The following TTC28 variants were observed in gnomAD, a reference collection of about 807,000 sequenced individuals.
TTC28 encodes tetratricopeptide repeat protein 28.
In TTC28, 61 loss-of-function variants were observed where a neutral mutation model predicts 198.0. That is an observed-to-expected ratio of 0.31 (90% confidence interval 0.25 to 0.38). The LOEUF (loss-of-function observed/expected upper bound fraction) is 0.38. TTC28 is among the 10% of genes least tolerant of loss of function. The probability of loss-of-function intolerance (pLI) is 1.00; values close to 1 mark genes in which losing one functional copy is unlikely to be tolerated. For missense variants in TTC28, 2,678 were observed against 3,164.0 expected, an observed-to-expected ratio of 0.85 and a Z score of 3.69; for synonymous variants, 1,171 against 1,297.8, an observed-to-expected ratio of 0.90 and a Z score of 2.10.
intron 2 of TTC28, among the ~76,000 whole-genome samples, chr22:28,342,670 A>T (rs1397281612): frequency 6.6e-6 from 1 of 152,204 alleles, no homozygotes; most frequent in Non-Finnish European, 1.5e-5. Flanking sequence ...TATATGAAAA[A>T]TCATGTGTTA....
intron 2 of TTC28, among the ~76,000 whole-genome samples, chr22:28,472,889 AAGATTTAATATC>A (rs1157588172): frequency 6.6e-6 from 1 of 152,154 alleles, no homozygotes; most frequent in Non-Finnish European, 1.5e-5. Flanking sequence ...CTTCTAACAA[AAGATTTAATATC>A]AGATTTAATA....
At chr22:28,615,653 G>A (rs1291167821) in intron 2 of TTC28, among the ~76,000 whole-genome samples, 1 of 152,070 alleles carries the variant, frequency 6.6e-6, no homozygotes, top group African/African-American at 2.4e-5. Context: ...CAGGGACATG[G>A]ATGAAGCTGG....
chr22:28,235,253 C>T (rs1449970157), intron 5 of TTC28, among the ~76,000 whole-genome samples: 2 of 152,082 alleles, frequency 1.3e-5, no homozygotes, highest in Non-Finnish European at 2.9e-5. Context: ...GATGAAGAGA[C>T]CAGAGAAGAA....
At chr22:28,412,441 TCC>T (rs2047096426) in intron 2 of TTC28, among the ~76,000 whole-genome samples, 1 of 152,150 alleles carries the variant, frequency 6.6e-6, no homozygotes, top group East Asian at 1.9e-4. Context: ...GTGTGCTGGC[TCC>T]TAAAAACCAA....
intron 5 of TTC28, among the ~76,000 whole-genome samples, chr22:28,257,739 C>CACATATATATAT (rs1361400796): frequency 1.0e-5 from 1 of 96,602 alleles, no homozygotes; most frequent in East Asian, 3.5e-4. Flanking sequence ...GGTAATAGAA[C>CACATATATATAT]ATATATATAT....
chr22:28,320,020 G>C (rs2045419189), intron 2 of TTC28, among the ~76,000 whole-genome samples: 1 of 151,994 alleles, frequency 6.6e-6, no homozygotes, highest in Non-Finnish European at 1.5e-5. Context: ...TGAGAATTTT[G>C]GCTGCTTTAA....
chr22:28,042,514 A>G (rs1197925024), intron 12 of TTC28, among the ~76,000 whole-genome samples: 27 of 151,970 alleles, frequency 1.8e-4, no homozygotes, highest in Non-Finnish European at 1.5e-5. Context: ...TTTCACTCAT[A>G]GGTTGGAGTT....
intron 2 of TTC28, among the ~76,000 whole-genome samples, chr22:28,408,215 A>C (rs969701145): frequency 6.6e-6 from 1 of 152,198 alleles, no homozygotes; most frequent in African/African-American, 2.4e-5. Context: ...TGGCAAATAC[A>C]CAACTTTCCA....
intron 2 of TTC28, among the ~76,000 whole-genome samples, chr22:28,326,096 G>C (rs750575525): frequency 1.3e-5 from 2 of 151,958 alleles, no homozygotes; most frequent in African/African-American, 4.8e-5. Context: ...TCCTTCAATG[G>C]GTGAATGGAT....
intron 1 of TTC28, among the ~76,000 whole-genome samples, chr22:28,676,212 T>C (rs907653535): frequency 1.3e-5 from 2 of 152,188 alleles, no homozygotes; most frequent in Non-Finnish European, 2.9e-5. Flanking sequence ...CGCTACAGCA[T>C]GGATAAACCT....
intron 7 of TTC28, among the ~76,000 whole-genome samples, chr22:28,106,254 C>T (rs934626933): frequency 6.6e-6 from 1 of 152,134 alleles, no homozygotes; most frequent in Non-Finnish European, 1.5e-5. Flanking sequence ...CTCCAGGAGC[C>T]CTAATCCCCT....
At chr22:28,082,614 A>G (rs1353513582) in intron 12 of TTC28, among the ~76,000 whole-genome samples, 2 of 152,186 alleles carry the variant, frequency 1.3e-5, no homozygotes, top group African/African-American at 2.4e-5. Flanking sequence ...GTCATGGTGC[A>G]GAATCCTTTT....
chr22:28,654,194 G>A (rs1158753201), intron 1 of TTC28, among the ~76,000 whole-genome samples: 1 of 152,106 alleles, frequency 6.6e-6, no homozygotes, highest in African/African-American at 2.4e-5. Context: ...TTACTTGTGA[G>A]GGCTAAAAGG....
chr22:28,630,177 T>A (rs968036952), intron 1 of TTC28, among the ~76,000 whole-genome samples: 14 of 152,170 alleles, frequency 9.2e-5, no homozygotes, highest in African/African-American at 3.4e-4. Context: ...GGAAGCAGCT[T>A]AATGCCCTCA....
chr22:28,073,753 C>T (rs1941071933), intron 12 of TTC28, among the ~76,000 whole-genome samples: 1 of 152,176 alleles, frequency 6.6e-6, no homozygotes, highest in Non-Finnish European at 1.5e-5. Flanking sequence ...TAAGCAGAGG[C>T]TTGAAATGTG....
intron 2 of TTC28, among the ~76,000 whole-genome samples, chr22:28,611,049 G>T (rs954358594): frequency 2.0e-5 from 3 of 152,102 alleles, no homozygotes; most frequent in Non-Finnish European, 4.4e-5. Context: ...AACGAACAAA[G>T]CCTCCAAGAA....
At chr22:28,454,369 T>C (rs996505502) in intron 2 of TTC28, among the ~76,000 whole-genome samples, 1 of 152,210 alleles carries the variant, frequency 6.6e-6, no homozygotes, top group Non-Finnish European at 1.5e-5. Context: ...ATGTTGGTTA[T>C]ATGATAAAAC....
intron 13 of TTC28, among the ~76,000 whole-genome samples, chr22:28,026,965 C>G (rs868564633): frequency 6.6e-5 from 10 of 152,196 alleles, no homozygotes; most frequent in African/African-American, 2.4e-4. Flanking sequence ...TTAATACCAA[C>G]GCAGTCCCTG....
intron 2 of TTC28, among the ~76,000 whole-genome samples, chr22:28,574,308 A>C (rs2050110594): frequency 6.6e-6 from 1 of 152,038 alleles, no homozygotes; most frequent in African/African-American, 2.4e-5. Context: ...CACTATGCCC[A>C]GCCAGGATCT....
Sources: allele counts gnomAD v4.1 joint callset (sites outside exome capture counted in the v4.1 genomes callset), GRCh38; gene constraint gnomAD v4.1.1; transcripts MANE v1.5; gene names NCBI Gene and HGNC (gene_info 2026-07-23, HGNC 2026-07-21).